The following HCK variants were observed in gnomAD, a reference collection of about 807,000 sequenced individuals.
The protein encoded by HCK is tyrosine-protein kinase HCK.
Under a neutral mutation model 70.4 loss-of-function variants are expected in HCK, and 40 were observed. The observed-to-expected ratio is 0.57, with a 90% CI of 0.44 to 0.74. The LOEUF (loss-of-function observed/expected upper bound fraction) is 0.74. Among genes scored for constraint, HCK ranks in the 30% least tolerant of loss-of-function variants. The probability of loss-of-function intolerance (pLI) is 0.00; values close to 1 mark genes in which losing one functional copy is unlikely to be tolerated. For missense variants in HCK, 568 were observed against 697.2 expected, an observed-to-expected ratio of 0.81 and a Z score of 2.09; for synonymous variants, 245 against 263.2, an observed-to-expected ratio of 0.93 and a Z score of 0.67.
chr20:32,063,683 A>G lies in HCK; in HGVS notation c.63-7979A>G, dbSNP rs79007598. 3.4e-3 allele frequency among the ~76,000 whole-genome samples: 516 copies of G among 152,152 alleles called. 2 individuals carry two copies. Among genetic ancestry groups the G allele is most frequent in the African/African-American group, 0.012 (497 of 41,504 alleles). Reference sequence around the variant, plus strand: ...CTTCTACCAAAACCTGGTATCAGGGAGGTCTTTGCCATCAGCCATTTGCAC... The same window carrying G: ...CTTCTACCAAAACCTGGTATCAGGGGGGTCTTTGCCATCAGCCATTTGCAC... On this transcript the variant is annotated intron_variant, in intron 1 of 12. Transcript: ENST00000375852.
chr20:32,075,651 T>A (rs1424329126), intron 5 of HCK, among the ~76,000 whole-genome samples: 1 of 152,216 alleles, frequency 6.6e-6, no homozygotes, highest in Admixed American at 6.5e-5. Context: ...GTTCTTCTTG[T>A]GTCTAGCTTG....
intron 6 of HCK, 143 bp downstream of exon 6, chr20:32,080,020 G>A: frequency 1.5e-6 from 1 of 650,736 alleles, no homozygotes; most frequent in Non-Finnish European, 2.8e-6. Flanking sequence ...CCTGCTCTTG[G>A]CCACCTGAGC....
chr20:32,101,594 C>A lies in HCK; in HGVS notation c.*75C>A. 8.1e-7 allele frequency: 1 copy of A among 1,238,176 alleles called. No homozygotes were observed. Among genetic ancestry groups the A allele is most frequent in the Non-Finnish European group, 1.1e-6 (1 of 874,758 alleles). 76.7% of individuals were successfully genotyped at this position (1,238,176 alleles called of 1,614,324 possible). ...GTGGCTCCAGCACCATCCGCCAGGGCCCACACCCCCTTCCTACTCCCAGAC... is the reference window on the plus strand; with the variant it reads ...GTGGCTCCAGCACCATCCGCCAGGGACCACACCCCCTTCCTACTCCCAGAC... On this transcript the variant is annotated 3_prime_UTR_variant, in exon 13 of 13. Transcript: ENST00000375852.
At position 32,079,153 on chromosome 20, in the gene HCK, G is replaced by T. The variant is rs182123702; in HGVS notation, c.429-621G>T. ...ACCCAAATATCTCAATATTCAGGAA[G>T]AATGAAGAAAATGTCCCAGGATATA... is the stretch of plus-strand genomic sequence containing the variant. On this transcript the variant is annotated intron_variant, in intron 5 of 12. Coordinates refer to ENST00000375852, the MANE Select transcript of HCK (RefSeq NM_002110.5). 2.0e-5 allele frequency among the ~76,000 whole-genome samples: 3 copies of T among 152,324 alleles called. No homozygotes were observed. In the East Asian group the frequency reaches 5.8e-4, roughly 29 times the overall value.
intron 1 of HCK, among the ~76,000 whole-genome samples, chr20:32,060,473 C>T (rs1394782973): frequency 6.6e-6 from 1 of 152,066 alleles, no homozygotes; most frequent in African/African-American, 2.4e-5. Flanking sequence ...CGCCTGCTGA[C>T]CTCAGGTGAT....
chr20:32,065,477 A>G (rs1376481231), intron 1 of HCK, among the ~76,000 whole-genome samples: 1 of 152,180 alleles, frequency 6.6e-6, no homozygotes, highest in East Asian at 1.9e-4. Context: ...TGCTCAATTT[A>G]TCTTCAGGAA....
rs1416453069 is a variant in HCK at position 32,069,632 on chromosome 20, A to G, written c.63-2030A>G. Reference sequence around the variant, plus strand: ...GTGCTTAATTATGATAATTTTTCAAATTAATGATCCAGCACTCCAAGAGTC... The same window carrying G: ...GTGCTTAATTATGATAATTTTTCAAGTTAATGATCCAGCACTCCAAGAGTC... On this transcript the variant is annotated intron_variant, in intron 1 of 12. Transcript: ENST00000375852. 34 of 447,320 alleles carry G rather than the reference A, an allele frequency of 7.6e-5. No homozygotes were observed. The Admixed American group carries it at 9.5e-4, about 12-fold the overall frequency. The allele number at this position is 447,320 out of a possible 1,614,324, so 27.7% of individuals were successfully genotyped here.
intron 11 of HCK, among the ~76,000 whole-genome samples, chr20:32,094,801 GAAAGAA>G (rs1198997614): frequency 7.5e-5 from 4 of 53,004 alleles, no homozygotes; most frequent in African/African-American, 2.1e-4. Context: ...AAGAAAGAAA[GAAAGAA>G]AGAAAGAAAG....
intron 8 of HCK, among the ~76,000 whole-genome samples, chr20:32,086,241 G>A (rs900851511): frequency 2.2e-4 from 33 of 152,178 alleles, no homozygotes; most frequent in Non-Finnish European, 3.5e-4. Context: ...GGATGGTCTC[G>A]ATCTCCTGAC....
At chr20:32,052,578 C>G in intron 1 of HCK, 92 bp downstream of exon 1, 1 of 967,492 alleles carries the variant, frequency 1.0e-6, no homozygotes, top group Non-Finnish European at 1.4e-6. Flanking sequence ...GGGCTGGCTA[C>G]GGGTGCGGCT....
chr20:32,089,129 G>A (rs2045830182), intron 10 of HCK, among the ~76,000 whole-genome samples: 1 of 152,236 alleles, frequency 6.6e-6, no homozygotes, highest in Non-Finnish European at 1.5e-5. Flanking sequence ...AGACAGAGCT[G>A]GACCAGGGGC....
chr20:32,094,777 G>GAAGGAAGGAA (rs879408977), intron 11 of HCK, among the ~76,000 whole-genome samples: 1 of 102,614 alleles, frequency 9.7e-6, no homozygotes, highest in African/African-American at 4.6e-5. Flanking sequence ...AAGAAAGAAA[G>GAAGGAAGGAA]AGAGAGAAAG....
Position 32,101,523 on chromosome 20 carries a change from G to T in HCK, c.*4G>T, listed in dbSNP as rs778030654. On this transcript the variant is annotated 3_prime_UTR_variant, in exon 13 of 13. Coordinates refer to ENST00000375852, the MANE Select transcript of HCK (RefSeq NM_002110.5). ...CCAGTACCAACAGCAGCCATGATAGGGAGGACCAGGGCAGGGCCAGGGGGT... is the reference window on the plus strand; with the variant it reads ...CCAGTACCAACAGCAGCCATGATAGTGAGGACCAGGGCAGGGCCAGGGGGT... The T allele has an allele frequency of 6.2e-7, 1 of 1,610,774 alleles. No individual in the cohort carries two copies. The highest frequency in any genetic ancestry group is 1.1e-5 in the South Asian group (1 of 90,546).
chr20:32,079,898 C>G, intron 6 of HCK, 21 bp downstream of exon 6: 1 of 1,533,262 alleles, frequency 6.5e-7, no homozygotes. Context: ...CCCTCCCCAC[C>G]TTGTCCTCCC....
intron 1 of HCK, 137 bp downstream of exon 1, chr20:32,052,623 C>A: frequency 5.3e-6 from 3 of 569,814 alleles, no homozygotes; most frequent in Non-Finnish European, 8.0e-6. Context: ...GTCGGGGGAG[C>A]CGCGGGTAGC....
chr20:32,086,682 T>C lies in HCK; in HGVS notation c.890T>C (p.Met297Thr). The change falls in exon 9 of 13, where the codon ATG (methionine) becomes ACG (threonine). Residue 297 changes from methionine (M) to threonine (T), a missense_variant. By Grantham distance (81) the Met-to-Thr change is moderately conservative (BLOSUM62 -1). Transcript: ENST00000375852. ...GTGAAGACGATGAAGCCAGGGAGCA[T>C]GTCGGTGGAGGCCTTCCTGGCAGAG... The C allele has an allele frequency of 6.2e-7, 1 of 1,613,344 alleles. No homozygotes were observed. Among genetic ancestry groups the C allele is most frequent in the Non-Finnish European group, 8.5e-7 (1 of 1,179,618 alleles).
intron 2 of HCK, chr20:32,072,563 T>TAAAAAAAAAAAAAA (rs199684278): frequency 1.1e-4 from 7 of 63,206 alleles, no homozygotes; most frequent in African/African-American, 5.1e-4. Context: ...CCTGTCTCTT[T>TAAAAAAAAAAAAAA]AAAAAAAAAA....
At chr20:32,069,000 TA>T (rs539741028) in intron 1 of HCK, among the ~76,000 whole-genome samples, 3 of 152,112 alleles carry the variant, frequency 2.0e-5, no homozygotes, top group Non-Finnish European at 4.4e-5. Context: ...TTCCCTATTT[TA>T]AAAAAAGCGA....
intron 11 of HCK, among the ~76,000 whole-genome samples, chr20:32,094,705 AAAAGAAAGAAAG>A (rs71185377): frequency 0.16 from 11,752 of 74,738 alleles, 1,131 homozygotes; most frequent in East Asian, 0.23. Context: ...AAAAGAAAAG[AAAAGAAAGAAAG>A]AAAGAAAGAA....
Sources: gnomAD v4.1 joint callset for allele counts (sites outside exome capture counted in the v4.1 genomes callset) on GRCh38, gnomAD v4.1.1 for gene constraint, MANE v1.5 for transcripts, NCBI Gene and HGNC (gene_info 2026-07-23, HGNC 2026-07-21) for gene names.